The following PAN3 variants were observed in gnomAD, a reference collection of about 807,000 sequenced individuals.
PAN3 encodes the protein poly(A) specific ribonuclease subunit PAN3.
PAN3 carries 19 observed loss-of-function variants against 96.2 expected under a neutral mutation model. The observed-to-expected ratio is 0.20, with a 90% confidence interval of 0.14 to 0.29. The LOEUF (loss-of-function observed/expected upper bound fraction) is 0.29. Ranked by LOEUF, PAN3 falls within the 10% of genes least tolerant of loss-of-function variation. The pLI is 1.00. For synonymous variants in PAN3, 433 were observed against 406.6 expected (o/e 1.06, Z -0.78); for missense variants, 882 against 1,108.1 (o/e 0.80, Z 2.90).
At chr13:28,252,404 T>C (rs1169864895) in intron 6 of PAN3, among the ~76,000 whole-genome samples, 2 of 152,092 alleles carry the variant, frequency 1.3e-5, no homozygotes, top group Non-Finnish European at 2.9e-5. Flanking sequence ...TTCTAATCAT[T>C]AATGAATTCT....
At chr13:28,224,459 G>A (rs546847194) in intron 6 of PAN3, among the ~76,000 whole-genome samples, 5 of 152,278 alleles carry the variant, frequency 3.3e-5, no homozygotes, top group South Asian at 2.1e-4. Context: ...TCATGTGTGG[G>A]CCCTTAGGAG....
rs1172838057 is a variant in PAN3, at chr13:28,293,887, G to T, written c.*1365G>T. 1 of 152,592 alleles carries T rather than the reference G, an allele frequency of 6.6e-6. No individual in the cohort carries two copies. Among genetic ancestry groups the T allele is most frequent in the Non-Finnish European group, 1.5e-5 (1 of 68,028 alleles). 9.5% of individuals were successfully genotyped at this position (152,592 alleles called of 1,614,324 possible). A position where few individuals can be genotyped will look rare whatever the true frequency, so the allele number is the denominator to read the frequency against. ...GCACTGAATGTTTTACTAGCACTGG[G>T]TGCTCACCATGCAACTGAAGAAAAT... On this transcript the variant is annotated 3_prime_UTR_variant, in exon 19 of 19. Transcript: ENST00000380958.
chr13:28,261,582 C>A, intron 9 of PAN3, 124 bp downstream of exon 9: 1 of 733,228 alleles, frequency 1.4e-6, no homozygotes, highest in Non-Finnish European at 2.1e-6. Context: ...CCTGTAATCC[C>A]AGCAGTTTGG....
At chr13:28,203,944 A>AG (rs1445381912) in intron 5 of PAN3, among the ~76,000 whole-genome samples, 2 of 151,500 alleles carry the variant, frequency 1.3e-5, no homozygotes, top group Non-Finnish European at 2.9e-5. Flanking sequence ...GCTGGGATAC[A>AG]GGCACACTCC....
At chr13:28,280,055 G>A (rs1287700782) in intron 15 of PAN3, among the ~76,000 whole-genome samples, 1 of 151,952 alleles carries the variant, frequency 6.6e-6, no homozygotes, top group Non-Finnish European at 1.5e-5. Flanking sequence ...CAAAGTGCTG[G>A]GATTACAAGT....
chr13:28,203,074 C>T (rs1245523404), intron 5 of PAN3, among the ~76,000 whole-genome samples: 1 of 151,520 alleles, frequency 6.6e-6, no homozygotes, highest in Non-Finnish European at 1.5e-5. Flanking sequence ...GCGATGCTCC[C>T]TCTTCAGCCT....
intron 6 of PAN3, among the ~76,000 whole-genome samples, chr13:28,248,160 T>G (rs963142633): frequency 6.6e-6 from 1 of 152,214 alleles, no homozygotes; most frequent in South Asian, 2.1e-4. Flanking sequence ...TTCCTAGATA[T>G]TCTATATTTT....
chr13:28,255,414 T>C (rs1885057622), intron 6 of PAN3, among the ~76,000 whole-genome samples: 1 of 152,220 alleles, frequency 6.6e-6, no homozygotes, highest in South Asian at 2.1e-4. Flanking sequence ...TTTTAAGTTA[T>C]TTTATGTCTT....
At chr13:28,224,769 C>T (rs749914050) in intron 6 of PAN3, among the ~76,000 whole-genome samples, 2 of 152,136 alleles carry the variant, frequency 1.3e-5, no homozygotes, top group African/African-American at 2.4e-5. Context: ...ACTACAGATA[C>T]ATGCCAAGTT....
chr13:28,210,130 A>C (rs1184560205), intron 5 of PAN3, among the ~76,000 whole-genome samples: 1 of 152,136 alleles, frequency 6.6e-6, no homozygotes, highest in Non-Finnish European at 1.5e-5. Context: ...TAAAAGGTAC[A>C]CCAGGAGATT....
At chr13:28,159,681 C>G (rs1872666329) in intron 1 of PAN3, among the ~76,000 whole-genome samples, 1 of 152,066 alleles carries the variant, frequency 6.6e-6, no homozygotes. Flanking sequence ...CTCCCGACCT[C>G]AGGTGATCCT....
intron 1 of PAN3, among the ~76,000 whole-genome samples, chr13:28,150,224 G>C (rs1871193411): frequency 6.6e-6 from 1 of 152,158 alleles, no homozygotes; most frequent in South Asian, 2.1e-4. Flanking sequence ...CTTGATACAT[G>C]ATGGGACAGG....
rs1348813372 is a variant in PAN3, at chr13:28,292,366, GT to G, written c.2524-15del. On this transcript the variant is annotated splice_polypyrimidine_tract_variant and intron_variant, in intron 18 of 18. Transcript: ENST00000380958. The stretch of plus-strand genomic sequence containing the variant: ...GCATGTTATGAATTTCATATTTTGT[GT>G]ATATATTGTTTCAGCTAGATGCTGG... The G allele has an allele frequency of 6.3e-7, 1 of 1,580,674 alleles. No homozygotes were observed. Among genetic ancestry groups the G allele is most frequent in the East Asian group, 2.3e-5 (1 of 44,188 alleles).
intron 5 of PAN3, among the ~76,000 whole-genome samples, chr13:28,213,199 CATTT>C (rs1880265769): frequency 6.6e-6 from 1 of 152,070 alleles, no homozygotes; most frequent in South Asian, 2.1e-4. Context: ...TGCCATATAA[CATTT>C]ATATTTCATT....
chr13:28,275,428 G>A (rs1886977327), intron 14 of PAN3, among the ~76,000 whole-genome samples: 1 of 152,164 alleles, frequency 6.6e-6, no homozygotes. Flanking sequence ...CATCAGTTCA[G>A]GGTGGAACCA....
chr13:28,239,513 C>T (rs1883448853), intron 6 of PAN3: 1 of 921,074 alleles, frequency 1.1e-6, no homozygotes, highest in African/African-American at 1.7e-5. Flanking sequence ...TTTGTCCTTT[C>T]CACTTGGGTG....
rs372584788 is a variant in PAN3 at position 28,290,515 on chromosome 13, C to A, written c.2524-1867C>A. ...TGGCCAATGTGGAGAAACCCCATCT[C>A]TACTAAAAATACAAAATTAGCCGGG... On this transcript the variant is annotated intron_variant, in intron 18 of 18. Coordinates refer to ENST00000380958, the MANE Select transcript of PAN3 (RefSeq NM_175854.8). Among the ~76,000 whole-genome samples, 33 of 152,206 alleles carry A rather than the reference C, an allele frequency of 2.2e-4. No homozygotes were observed. In the South Asian group the frequency reaches 6.9e-3, roughly 32 times the overall value.
chr13:28,146,300 G>GTCTC (rs71086834), intron 1 of PAN3, among the ~76,000 whole-genome samples: 24,719 of 143,342 alleles, frequency 0.17, 2,223 homozygotes, highest in East Asian at 0.4. Flanking sequence ...CTCTTTCTCT[G>GTCTC]TCTCTCTCTC....
At chr13:28,223,106 G>A (rs571973142) in intron 6 of PAN3, among the ~76,000 whole-genome samples, 3 of 152,322 alleles carry the variant, frequency 2.0e-5, no homozygotes, top group African/African-American at 7.2e-5. Flanking sequence ...GAGACCCTGA[G>A]TGAATCACAT....
Sources: gnomAD v4.1 joint callset for allele counts (sites outside exome capture counted in the v4.1 genomes callset) on GRCh38, gnomAD v4.1.1 for gene constraint, MANE v1.5 for transcripts, NCBI Gene and HGNC (gene_info 2026-07-23, HGNC 2026-07-21) for gene names.